Variants in NALF1 observed in about 807,000 individuals in gnomAD.
The protein encoded by NALF1 is family with sequence similarity 155 member A.
NALF1 carries 3 observed loss-of-function variants against 48.4 expected under a neutral mutation model. The observed-to-expected ratio is 0.06, with a 90% CI of 0.03 to 0.16. The LOEUF (loss-of-function observed/expected upper bound fraction) is 0.16. NALF1 is among the 10% of genes least tolerant of loss of function. The probability of loss-of-function intolerance (pLI) is 1.00; values close to 1 mark genes in which losing one functional copy is unlikely to be tolerated. For missense variants in NALF1, 526 were observed against 571.5 expected (o/e 0.92, Z 0.81); for synonymous variants, 262 against 245.7 (o/e 1.07, Z -0.62).
chr13:107,204,586 A>T lies in NALF1; in HGVS notation c.1087+5998T>A, dbSNP rs147705485. Among the ~76,000 whole-genome samples the T allele has an allele frequency of 3.8e-3, 582 of 152,368 alleles. 2 individuals are homozygous for T. Among genetic ancestry groups the T allele is most frequent in the African/African-American group, 0.013 (526 of 41,584 alleles). ...TTCAGAAAAAGTAATCTTAAGTAGG[A>T]ATGATCTGAACTCAAACCTAAAGAT... is the stretch of plus-strand genomic sequence containing the variant. On this transcript the variant is annotated intron_variant, in intron 2 of 2. Coordinates refer to ENST00000375915, the MANE Select transcript of NALF1 (RefSeq NM_001080396.3).
At chr13:107,375,694 A>G (rs1227877587) in intron 1 of NALF1, among the ~76,000 whole-genome samples, 2 of 152,198 alleles carry the variant, frequency 1.3e-5, no homozygotes, top group African/African-American at 4.8e-5. Context: ...CAATAGAACA[A>G]AAAAGTAACT....
chr13:107,526,788 A>C (rs1278998840), intron 1 of NALF1, among the ~76,000 whole-genome samples: 1 of 152,164 alleles, frequency 6.6e-6, no homozygotes, highest in Non-Finnish European at 1.5e-5. Context: ...AATCAGTGAA[A>C]ATCTATCCAA....
At chr13:107,658,012 T>C (rs905261810) in intron 1 of NALF1, among the ~76,000 whole-genome samples, 2 of 152,170 alleles carry the variant, frequency 1.3e-5, no homozygotes, top group Admixed American at 1.3e-4. Flanking sequence ...TTCGAGACAT[T>C]AGTTATTTTT....
At chr13:107,622,034 G>C (rs35742509) in intron 1 of NALF1, among the ~76,000 whole-genome samples, 87,538 of 151,308 alleles carry the variant, frequency 0.58, 27,670 homozygotes, top group East Asian at 0.99. Context: ...ACTCTGTCAA[G>C]CAAGCTGGAG....
intron 1 of NALF1, among the ~76,000 whole-genome samples, chr13:107,842,391 G>A (rs192911574): frequency 2.0e-5 from 3 of 152,030 alleles, no homozygotes; most frequent in African/African-American, 7.2e-5. Context: ...TTCAGTAATG[G>A]CTATGATTAT....
intron 1 of NALF1, among the ~76,000 whole-genome samples, chr13:107,437,707 A>G (rs1884485688): frequency 6.6e-6 from 1 of 152,228 alleles, no homozygotes; most frequent in Non-Finnish European, 1.5e-5. Context: ...AGGAATGGCT[A>G]TTGCTAAAAA....
chr13:107,826,012 C>T (rs977928157), intron 1 of NALF1, among the ~76,000 whole-genome samples: 20 of 152,194 alleles, frequency 1.3e-4, no homozygotes, highest in African/African-American at 4.8e-4. Flanking sequence ...ATCTCTTGAC[C>T]TCGTGACCTG....
At position 107,866,736 on chromosome 13, in the gene NALF1, T is replaced by A; in HGVS notation, c.-140A>T. The A allele has an allele frequency of 1.5e-6, 1 of 648,368 alleles. No individual in the cohort carries two copies. 40.2% of individuals were successfully genotyped at this position (648,368 alleles called of 1,614,324 possible). On this transcript the variant is annotated 5_prime_UTR_variant, in exon 1 of 3. Coordinates refer to ENST00000375915, the MANE Select transcript of NALF1 (RefSeq NM_001080396.3). The surrounding 1 kb of genome is among the most constrained non-coding windows in gnomAD (Gnocchi z 4.4). ...TCTCTCTCCTCTCTCTCTTTCTCTC[T>A]CTTCCCCTCTCCCTCTCTCCTCTCT...
chr13:107,733,754 A>G lies in NALF1; in HGVS notation c.915+131928T>C, dbSNP rs145381786. ...CATTAGTGAATCTTAATTTATTTAG[A>G]TATCTTTAGATATTATGTGAAGCAA... On this transcript the variant is annotated intron_variant, in intron 1 of 2. Coordinates refer to ENST00000375915, the MANE Select transcript of NALF1 (RefSeq NM_001080396.3). Among the ~76,000 whole-genome samples the G allele has an allele frequency of 7.3e-3, 1,117 of 152,306 alleles. 6 individuals carry two copies. The highest frequency in any genetic ancestry group is 0.012 in the Non-Finnish European group (791 of 68,014).
intron 1 of NALF1, among the ~76,000 whole-genome samples, chr13:107,778,638 A>G (rs1001074818): frequency 6.6e-6 from 1 of 151,944 alleles, no homozygotes; most frequent in Non-Finnish European, 1.5e-5. Context: ...TGTTTGAGTA[A>G]ACTGCCTATG....
intron 1 of NALF1, among the ~76,000 whole-genome samples, chr13:107,447,376 T>A (rs571894017): frequency 1.3e-5 from 2 of 152,288 alleles, no homozygotes; most frequent in African/African-American, 4.8e-5. Context: ...GTTACATTCT[T>A]AATTCCATCT....
chr13:107,260,266 C>T (rs145688365), intron 1 of NALF1, among the ~76,000 whole-genome samples: 8 of 152,348 alleles, frequency 5.3e-5, no homozygotes, highest in Non-Finnish European at 1.0e-4. Context: ...TAGCCAATAA[C>T]TAGTTCTGTG....
chr13:107,550,174 A>G (rs1051532572), intron 1 of NALF1, among the ~76,000 whole-genome samples: 3 of 152,062 alleles, frequency 2.0e-5, no homozygotes, highest in African/African-American at 7.2e-5. Flanking sequence ...ATTCTTGGAT[A>G]ATGATTCCTC....
intron 1 of NALF1, among the ~76,000 whole-genome samples, chr13:107,290,489 T>C (rs895512014): frequency 6.6e-6 from 1 of 152,122 alleles, no homozygotes; most frequent in Admixed American, 6.5e-5. Context: ...CAAGATCTGA[T>C]GATTTTATAA....
chr13:107,777,693 A>G (rs527590037), intron 1 of NALF1, among the ~76,000 whole-genome samples: 2 of 152,296 alleles, frequency 1.3e-5, no homozygotes, highest in South Asian at 4.1e-4. Context: ...CAGTGAGCCA[A>G]TTAAACCCTT....
intron 1 of NALF1, among the ~76,000 whole-genome samples, chr13:107,459,336 G>A (rs1884878310): frequency 6.6e-6 from 1 of 151,744 alleles, no homozygotes; most frequent in Admixed American, 6.6e-5. Flanking sequence ...TCTTCACTTC[G>A]CACCCTAGAG....
chr13:107,841,649 AAACAT>A (rs933332709), intron 1 of NALF1, among the ~76,000 whole-genome samples: 2 of 151,594 alleles, frequency 1.3e-5, no homozygotes, highest in Non-Finnish European at 2.9e-5. Context: ...AAAAAAAAAA[AAACAT>A]AAGAAGTTTT....
chr13:107,674,909 C>G (rs1881076110), intron 1 of NALF1, among the ~76,000 whole-genome samples: 1 of 152,094 alleles, frequency 6.6e-6, no homozygotes, highest in Non-Finnish European at 1.5e-5. Flanking sequence ...AGGTCAGATT[C>G]TGTTGGAAGC....
chr13:107,191,833 A>ATTTTTTTTTTTTTTTTTTTTT (rs66566638), intron 2 of NALF1, among the ~76,000 whole-genome samples: 3 of 112,224 alleles, frequency 2.7e-5, no homozygotes, highest in African/African-American at 3.5e-5. Flanking sequence ...CACTATGCCT[A>ATTTTTTTTTTTTTTTTTTTTT]TTTTTTTTTT....
Sources: allele counts gnomAD v4.1 joint callset (sites outside exome capture counted in the v4.1 genomes callset), GRCh38; gene constraint gnomAD v4.1.1; non-coding constraint Gnocchi (gnomAD v3.1); transcripts MANE v1.5; gene names NCBI Gene and HGNC (gene_info 2026-07-23, HGNC 2026-07-21).